The following PHC1 variants were observed in gnomAD, a reference collection of about 807,000 sequenced individuals.
The protein encoded by PHC1 is polyhomeotic-like protein 1.
In PHC1, 12 loss-of-function variants were observed where a neutral mutation model predicts 104.3. The observed-to-expected ratio is 0.12, with a 90% CI of 0.07 to 0.19. PHC1 has a LOEUF of 0.19. Among genes scored for constraint, PHC1 ranks in the 10% least tolerant of loss-of-function variants. The pLI is 1.00. For missense variants in PHC1, 671 were observed against 1,200.0 expected (o/e 0.56, Z 6.51); for synonymous variants, 302 against 455.8 (o/e 0.66, Z 4.30).
intron 1 of PHC1, among the ~76,000 whole-genome samples, chr12:8,916,310 TTTGC>T (rs1180898945): frequency 2.0e-5 from 3 of 152,178 alleles, no homozygotes; most frequent in African/African-American, 4.8e-5. Context: ...AGTTTGATAC[TTTGC>T]TTGTTTGTTT....
At chr12:8,938,412 C>T (rs998113692) in intron 14 of PHC1, among the ~76,000 whole-genome samples, 1 of 151,454 alleles carries the variant, frequency 6.6e-6, no homozygotes, top group African/African-American at 2.4e-5. Flanking sequence ...CATTGTTGCC[C>T]CACTCTTCAA....
chr12:8,917,581 C>T, intron 1 of PHC1, 49 bp from the exon 2 acceptor site: 1 of 523,454 alleles, frequency 1.9e-6, no homozygotes, highest in South Asian at 3.4e-5. Context: ...CATGAGATAA[C>T]AGCTTGGGAT....
intron 6 of PHC1, among the ~76,000 whole-genome samples, chr12:8,927,600 T>C (rs1945553501): frequency 4.6e-5 from 7 of 152,160 alleles, no homozygotes; most frequent in Admixed American, 4.6e-4. Context: ...GTTTTTGTTT[T>C]CTCTGAAGAG....
intron 6 of PHC1, among the ~76,000 whole-genome samples, chr12:8,925,321 A>G (rs1271627583): frequency 6.6e-6 from 1 of 152,196 alleles, no homozygotes; most frequent in Non-Finnish European, 1.5e-5. Flanking sequence ...CTATTAATAT[A>G]TCAAACATTC....
Position 8,934,066 on chromosome 12 carries a change from C to G in PHC1, c.2041+54C>G. ...AGAGCACACAGAGTAGAGGAATGTT[C>G]TGAGTGAGCTAAAAGATAAAACTGG... On this transcript the variant is annotated intron_variant, in intron 9 of 14. Coordinates refer to ENST00000544916, the MANE Select transcript of PHC1 (RefSeq NM_004426.3). The G allele has an allele frequency of 5.7e-6, 9 of 1,578,568 alleles. 1 individual carries two copies. The highest frequency in any genetic ancestry group is 7.0e-6 in the Non-Finnish European group (8 of 1,149,510).
chr12:8,928,390 C>T (rs1945589108), intron 6 of PHC1, among the ~76,000 whole-genome samples: 1 of 151,850 alleles, frequency 6.6e-6, no homozygotes, highest in African/African-American at 2.4e-5. Flanking sequence ...ATCCTTGGAT[C>T]ATGACACTCT....
chr12:8,934,868 A>G (rs1034800899), intron 10 of PHC1, among the ~76,000 whole-genome samples: 1 of 152,160 alleles, frequency 6.6e-6, no homozygotes, highest in African/African-American at 2.4e-5. Flanking sequence ...ATAGGGAGCC[A>G]GCGTAGGAAC....
At chr12:8,920,885 T>C in intron 3 of PHC1, 100 bp from the exon 4 acceptor site, 2 of 764,378 alleles carry the variant, frequency 2.6e-6, no homozygotes, top group Non-Finnish European at 4.3e-6. Context: ...GTTTATAATG[T>C]GAAATCTCTA....
At chr12:8,924,681 G>T (rs920080600) in intron 6 of PHC1, among the ~76,000 whole-genome samples, 10 of 152,186 alleles carry the variant, frequency 6.6e-5, no homozygotes, top group African/African-American at 2.4e-4. Context: ...ATACGAGTAT[G>T]TGTGGTAGGC....
chr12:8,939,290 C>T lies in PHC1; in HGVS notation c.2861-15C>T. 1 of 1,614,166 alleles carries T rather than the reference C, an allele frequency of 6.2e-7. No individual in the cohort carries two copies. The highest frequency in any genetic ancestry group is 8.5e-7 in the Non-Finnish European group (1 of 1,180,020). On this transcript the variant is annotated splice_polypyrimidine_tract_variant and intron_variant, in intron 14 of 14. Transcript: ENST00000544916. Reference sequence around the variant, plus strand: ...TCATCTGGCATTACCTACATGTTCTCACCATTTCTTCTAGGCTGCCAAGAG... The same window carrying T: ...TCATCTGGCATTACCTACATGTTCTTACCATTTCTTCTAGGCTGCCAAGAG...
At chr12:8,938,471 A>G (rs1314080395) in intron 14 of PHC1, among the ~76,000 whole-genome samples, 1 of 150,416 alleles carries the variant, frequency 6.6e-6, no homozygotes, top group East Asian at 2.0e-4. Flanking sequence ...AAACAGAGAC[A>G]GGGATTCCCT....
chr12:8,928,721 G>C (rs78518161), intron 6 of PHC1, among the ~76,000 whole-genome samples: 3,014 of 152,232 alleles, frequency 0.02, 96 homozygotes, highest in African/African-American at 0.068. Flanking sequence ...TCTGCCTGTG[G>C]AATATTTTGA....
At chr12:8,933,738 A>T (rs1328204867) in intron 8 of PHC1, 127 bp from the exon 9 acceptor site, 4 of 729,762 alleles carry the variant, frequency 5.5e-6, no homozygotes, top group Admixed American at 5.5e-5. Context: ...TTAGTGTACC[A>T]TGGGAAGTAG....
chr12:8,931,326 G>T (rs780710428), intron 7 of PHC1, among the ~76,000 whole-genome samples: 11 of 152,206 alleles, frequency 7.2e-5, no homozygotes, highest in Non-Finnish European at 1.6e-4. Context: ...TACTATAAGG[G>T]ATGAATTCTC....
At position 8,930,481 on chromosome 12, in the gene PHC1, C is replaced by A. The variant is rs980232814; in HGVS notation, c.659C>A (p.Pro220His). 2 of 1,587,506 alleles carry A rather than the reference C, an allele frequency of 1.3e-6. No individual in the cohort carries two copies. Among genetic ancestry groups the A allele is most frequent in the Non-Finnish European group, 1.7e-6 (2 of 1,166,528 alleles). The change falls in exon 7 of 15, where the codon CCT (proline) becomes CAT (histidine). Residue 220 changes from proline (P) to histidine (H), a missense_variant. Physicochemically the swap from Pro to His is moderately conservative, Grantham distance 77. This residue lies in a region of PHC1 where 237 missense variants were observed against 331.1 expected (regional missense o/e 0.72). Coordinates refer to ENST00000544916, the MANE Select transcript of PHC1 (RefSeq NM_004426.3). ...VRNQQASAQG[P>H]QMQGSTQKAI... ...AATCAACAGGCCTCAGCTCAAGGAC[C>A]TCAGATGCAAGGCTCCACTCAGAAG...
Position 8,921,743 on chromosome 12 carries a change from A to G in PHC1, c.449A>G (p.Tyr150Cys). Residue 150 changes from tyrosine to cysteine, a missense_variant, in exon 5 of 15, where the codon TAT becomes TGT. This residue lies in a region of PHC1 where 237 missense variants were observed against 331.1 expected (regional missense o/e 0.72). Coordinates refer to ENST00000544916, the MANE Select transcript of PHC1 (RefSeq NM_004426.3). ...PPLNQSQAQM[Y>C]LRPQLGNLLQ... ...CTCAACCAGTCTCAGGCCCAGATGT[A>G]TCTACGGGTAAGCCACAGATGCAGT... The G allele has an allele frequency of 1.2e-6, 2 of 1,602,128 alleles. No individual in the cohort carries two copies. The highest frequency in any genetic ancestry group is 1.1e-5 in the South Asian group (1 of 88,906).
intron 6 of PHC1, among the ~76,000 whole-genome samples, chr12:8,926,188 T>C (rs1016381649): frequency 6.6e-6 from 1 of 152,218 alleles, no homozygotes; most frequent in African/African-American, 2.4e-5. Context: ...ATACTGAGAC[T>C]GCAGTTTTAT....
intron 13 of PHC1, 125 bp from the exon 14 acceptor site, chr12:8,937,704 G>A (rs1945879049): frequency 1.5e-6 from 1 of 684,482 alleles, no homozygotes; most frequent in Non-Finnish European, 2.5e-6. Context: ...CAAATAAAGT[G>A]CTGCTTATTT....
intron 11 of PHC1, among the ~76,000 whole-genome samples, chr12:8,935,768 A>T (rs368556454): frequency 2.2e-4 from 33 of 151,062 alleles, no homozygotes; most frequent in African/African-American, 5.8e-4. Flanking sequence ...TATTATTATT[A>T]TTTTTTTTTG....
Sources: gnomAD v4.1 joint callset for allele counts (sites outside exome capture counted in the v4.1 genomes callset) on GRCh38, gnomAD v4.1.1 for gene constraint, gnomAD v4.1.1 regional missense constraint, MANE v1.5 for transcripts, NCBI Gene and HGNC (gene_info 2026-07-23, HGNC 2026-07-21) for gene names.